The following CAMK2A variants were observed in gnomAD, a reference collection of about 807,000 sequenced individuals.
The protein encoded by CAMK2A is calcium/calmodulin dependent protein kinase II alpha.
Under a neutral mutation model 79.2 loss-of-function variants are expected in CAMK2A, and 7 were observed. The observed-to-expected ratio is 0.09, with a 90% CI of 0.05 to 0.17. The LOEUF (loss-of-function observed/expected upper bound fraction) is 0.17, where lower values mean the gene tolerates loss of function less well. Ranked by LOEUF, CAMK2A falls within the 10% of genes least tolerant of loss-of-function variation. CAMK2A has a pLI of 1.00. For synonymous variants in CAMK2A, 242 were observed against 251.7 expected, an observed-to-expected ratio of 0.96 and a Z score of 0.36; for missense variants, 214 against 646.4, an observed-to-expected ratio of 0.33 and a Z score of 7.25.
intron 13 of CAMK2A, among the ~76,000 whole-genome samples, chr5:150,241,774 T>TCCTCTTC (rs1222896765): frequency 1.2e-4 from 18 of 148,442 alleles, no homozygotes; most frequent in Non-Finnish European, 7.5e-5. Context: ...TCTTCTCCTT[T>TCCTCTTC]CCTCTTCCCT....
intron 12 of CAMK2A, among the ~76,000 whole-genome samples, chr5:150,246,697 C>T (rs1340901574): frequency 6.6e-6 from 1 of 152,140 alleles, no homozygotes; most frequent in Non-Finnish European, 1.5e-5. Context: ...GGATCCTTGT[C>T]CAGGGAGAGG....
intron 3 of CAMK2A, among the ~76,000 whole-genome samples, chr5:150,264,648 G>A (rs1042927602): frequency 1.3e-5 from 2 of 152,210 alleles, no homozygotes; most frequent in Non-Finnish European, 2.9e-5. Context: ...CAGCGGTCAA[G>A]GCCAAGCATG....
At chr5:150,250,920 T>A in intron 9 of CAMK2A, 110 bp from the exon 10 acceptor site, 1 of 1,258,838 alleles carries the variant, frequency 7.9e-7, no homozygotes, top group Non-Finnish European at 1.1e-6. Flanking sequence ...GCCCATCCAC[T>A]CGGACATCCA....
chr5:150,280,655 C>T lies in CAMK2A; in HGVS notation c.63-7496G>A, dbSNP rs532866669. Among the ~76,000 whole-genome samples the T allele has an allele frequency of 5.3e-5, 8 of 152,302 alleles. No individual in the cohort carries two copies. In the South Asian group the frequency reaches 6.2e-4, roughly 12 times the overall value. On this transcript the variant is annotated intron_variant, in intron 1 of 18. Transcript: ENST00000671881. ...TGCCTCCTCCCACCCTCACCACTAC[C>T]CCTTGCAGTCCCCGCTGGAGCCTAA...
chr5:150,273,396 C>T (rs974920936), intron 1 of CAMK2A, among the ~76,000 whole-genome samples: 4 of 152,206 alleles, frequency 2.6e-5, no homozygotes, highest in South Asian at 2.1e-4. Flanking sequence ...AGCCTGCCAA[C>T]GTCATCAAAG....
chr5:150,253,493 T>A lies in CAMK2A; in HGVS notation c.465A>T (p.Ala155=). 7 of 1,614,230 alleles carry A rather than the reference T, an allele frequency of 4.3e-6. No individual in the cohort carries two copies. Among genetic ancestry groups the A allele is most frequent in the Non-Finnish European group, 5.9e-6 (7 of 1,180,028 alleles). The part of the protein sequence containing the change: ...SKLKGAAVKL[A]DFGLAIEVEG... ...CCACCTCTATGGCCAGGCCAAAGTC[T>A]GCCAGCTTCACTGCGGCACCCTTGA... The change falls in exon 7 of 19, where the codon GCA becomes GCT. Residue 155 remains alanine (A), a synonymous_variant. Transcript: ENST00000671881.
intron 16 of CAMK2A, 113 bp downstream of exon 16, chr5:150,231,192 C>A: frequency 7.6e-6 from 4 of 526,108 alleles, no homozygotes; most frequent in Non-Finnish European, 1.4e-5. Context: ...CGATTCACAG[C>A]ACATGCAAAG....
At chr5:150,279,171 G>A (rs565543813) in intron 1 of CAMK2A, among the ~76,000 whole-genome samples, 2 of 152,300 alleles carry the variant, frequency 1.3e-5, no homozygotes, top group South Asian at 4.1e-4. Flanking sequence ...GTCCACTGCG[G>A]CAGCCACTAG....
rs1195389325 is a variant in CAMK2A at position 150,221,308 on chromosome 5, A to G, written c.*1402T>C. 2.5e-6 allele frequency: 1 copy of G among 397,872 alleles called. No individual in the cohort carries two copies. The highest frequency in any genetic ancestry group is 3.5e-5 in the East Asian group (1 of 28,184). 24.6% of individuals were successfully genotyped at this position (397,872 alleles called of 1,614,324 possible). A position where few individuals can be genotyped will look rare whatever the true frequency, so the allele number is the denominator to read the frequency against. ...AGGGAAAGAGGGAAAGAGGAAAAGA[A>G]AGAGAGAATGCGAACCCGAGGCTGC... On this transcript the variant is annotated 3_prime_UTR_variant, in exon 19 of 19. Coordinates refer to ENST00000671881, the MANE Select transcript of CAMK2A (RefSeq NM_015981.4).
chr5:150,259,159 G>A (rs1248149062), intron 3 of CAMK2A, among the ~76,000 whole-genome samples: 8 of 151,304 alleles, frequency 5.3e-5, no homozygotes, highest in Non-Finnish European at 1.0e-4. Flanking sequence ...CAGCCTGAGC[G>A]ACAAAGCAAC....
intron 1 of CAMK2A, 150 bp downstream of exon 1, chr5:150,289,414 G>T: frequency 1.5e-6 from 1 of 660,610 alleles, no homozygotes. Context: ...TGGACACTCT[G>T]TACACAGGCA....
At position 150,256,003 on chromosome 5, in the gene CAMK2A, C is replaced by T. The variant is rs962733794; in HGVS notation, c.411+570G>A. Among the ~76,000 whole-genome samples, 25 of 152,220 alleles carry T rather than the reference C, an allele frequency of 1.6e-4. No individual in the cohort carries two copies. The highest frequency in any genetic ancestry group is 6.0e-4 in the African/African-American group (25 of 41,452). Reference sequence around the variant, plus strand: ...CAAGGCTGTGCAGCTGGTGCCAGTCCTAGACTCTGCAATCTCCTTCAGGTA... The same window carrying T: ...CAAGGCTGTGCAGCTGGTGCCAGTCTTAGACTCTGCAATCTCCTTCAGGTA... On this transcript the variant is annotated intron_variant, in intron 6 of 18. Transcript: ENST00000671881. The surrounding 1 kb of genome is among the most constrained non-coding windows in gnomAD (Gnocchi z 4.6).
chr5:150,225,144 C>G (rs1754541726), intron 17 of CAMK2A, among the ~76,000 whole-genome samples: 1 of 149,624 alleles, frequency 6.7e-6, no homozygotes, highest in Non-Finnish European at 1.5e-5. Flanking sequence ...CCAAGTGAGA[C>G]TGCATTAGAA....
chr5:150,274,327 C>T (rs1756867730), intron 1 of CAMK2A, among the ~76,000 whole-genome samples: 1 of 152,174 alleles, frequency 6.6e-6, no homozygotes, highest in Non-Finnish European at 1.5e-5. Flanking sequence ...CCATTTCCTA[C>T]CTCATTTGAT....
chr5:150,276,335 C>A (rs898029979), intron 1 of CAMK2A, among the ~76,000 whole-genome samples: 1 of 152,156 alleles, frequency 6.6e-6, no homozygotes, highest in Admixed American at 6.5e-5. Flanking sequence ...TTCTCTCTGC[C>A]CCCAGTGCTT....
chr5:150,238,116 T>C (rs1227168763), intron 15 of CAMK2A, among the ~76,000 whole-genome samples: 1 of 152,250 alleles, frequency 6.6e-6, no homozygotes, highest in African/African-American at 2.4e-5. Flanking sequence ...CTTGAACATG[T>C]TAAATTTTTC....
At chr5:150,266,155 G>C (rs1756503955) in intron 2 of CAMK2A, among the ~76,000 whole-genome samples, 1 of 152,180 alleles carries the variant, frequency 6.6e-6, no homozygotes, top group South Asian at 2.1e-4. Flanking sequence ...CTTCTGGACT[G>C]CTGTGCAAGT....
intron 15 of CAMK2A, among the ~76,000 whole-genome samples, chr5:150,234,484 G>T (rs1754980822): frequency 6.6e-6 from 1 of 152,144 alleles, no homozygotes; most frequent in Non-Finnish European, 1.5e-5. Context: ...GTTGTTCTAA[G>T]GATTGAGTTA....
chr5:150,241,955 G>A (rs1464243874), intron 13 of CAMK2A, among the ~76,000 whole-genome samples: 3 of 152,170 alleles, frequency 2.0e-5, no homozygotes, highest in Non-Finnish European at 4.4e-5. Context: ...GCCGCGCAGG[G>A]GCCAGGAGGT....
Sources: allele counts gnomAD v4.1 joint callset (sites outside exome capture counted in the v4.1 genomes callset), GRCh38; gene constraint gnomAD v4.1.1; non-coding constraint Gnocchi (gnomAD v3.1); transcripts MANE v1.5; gene names NCBI Gene and HGNC (gene_info 2026-07-23, HGNC 2026-07-21).